LRRC4C: variants seen among roughly 807,000 people sequenced by gnomAD.
LRRC4C encodes leucine rich repeat containing 4C, also known as leucine-rich repeat-containing protein 4C.
LRRC4C carries 5 observed loss-of-function variants against 33.6 expected under a neutral mutation model. The observed-to-expected ratio is 0.15, with a 90% CI of 0.08 to 0.31. The LOEUF (loss-of-function observed/expected upper bound fraction) is 0.31. LRRC4C is among the 10% of genes least tolerant of loss of function. The pLI is 1.00. For missense variants in LRRC4C, 560 were observed against 796.7 expected (o/e 0.70, Z 3.58); for synonymous variants, 329 against 302.0 (o/e 1.09, Z -0.93).
chr11:40,640,004 C>T (rs1942011182), intron 3 of LRRC4C, among the ~76,000 whole-genome samples: 2 of 151,630 alleles, frequency 1.3e-5, no homozygotes, highest in Admixed American at 1.3e-4. Context: ...TGGAATATAT[C>T]AAGGAGATGC....
chr11:40,122,126 C>A (rs2927199), intron 6 of LRRC4C, among the ~76,000 whole-genome samples: 147,183 of 152,260 alleles, frequency 0.97, 71,191 homozygotes, highest in Admixed American at 0.98. Flanking sequence ...GATTTACTGA[C>A]TCTTTTGACT....
At chr11:41,096,634 C>G (rs371719734) in intron 1 of LRRC4C, among the ~76,000 whole-genome samples, 1 of 151,998 alleles carries the variant, frequency 6.6e-6, no homozygotes, top group East Asian at 1.9e-4. Flanking sequence ...GAAAGGGAAA[C>G]AGAAGATAAA....
intron 2 of LRRC4C, among the ~76,000 whole-genome samples, chr11:40,722,087 A>C (rs1380611744): frequency 6.6e-6 from 1 of 152,232 alleles, no homozygotes; most frequent in East Asian, 1.9e-4. Context: ...AAAAAATTAC[A>C]GACAAATGTA....
intron 3 of LRRC4C, among the ~76,000 whole-genome samples, chr11:40,556,000 T>A (rs1234234240): frequency 6.6e-6 from 1 of 152,162 alleles, no homozygotes; most frequent in East Asian, 1.9e-4. Flanking sequence ...TTTGACCCAA[T>A]AGAAAAAATG....
intron 5 of LRRC4C, among the ~76,000 whole-genome samples, chr11:40,188,144 A>G (rs1345638259): frequency 6.6e-6 from 1 of 152,232 alleles, no homozygotes; most frequent in Non-Finnish European, 1.5e-5. Context: ...CAAAATAATG[A>G]AGGTGAACTA....
At chr11:40,281,308 AATTC>A (rs1394614675) in intron 4 of LRRC4C, among the ~76,000 whole-genome samples, 1 of 152,080 alleles carries the variant, frequency 6.6e-6, no homozygotes, top group Admixed American at 6.6e-5. Flanking sequence ...AATGTGTTTG[AATTC>A]ATTCATCCAC....
intron 1 of LRRC4C, among the ~76,000 whole-genome samples, chr11:41,236,167 C>T (rs1022399946): frequency 1.3e-5 from 2 of 152,078 alleles, no homozygotes; most frequent in Non-Finnish European, 2.9e-5. Flanking sequence ...CCAATTAGCG[C>T]TTCACCTTCC....
chr11:40,365,556 C>T (rs183154639), intron 3 of LRRC4C, among the ~76,000 whole-genome samples: 184 of 152,078 alleles, frequency 1.2e-3, no homozygotes, highest in African/African-American at 4.3e-3. Context: ...CTGAAGGCAA[C>T]TTTGGGGGGG....
intron 1 of LRRC4C, among the ~76,000 whole-genome samples, chr11:41,165,479 T>C (rs931350): frequency 0.66 from 100,897 of 151,932 alleles, 35,161 homozygotes; most frequent in Middle Eastern, 0.78. Context: ...ACACACACCA[T>C]CTTATTTAAT....
chr11:40,495,811 ATG>A (rs1954406588), intron 3 of LRRC4C, among the ~76,000 whole-genome samples: 1 of 51,908 alleles, frequency 1.9e-5, no homozygotes, highest in Non-Finnish European at 4.1e-5. Context: ...CTCAATAAAC[ATG>A]TTTTTTTTTT....
At chr11:41,304,984 C>T (rs1244160823) in intron 1 of LRRC4C, among the ~76,000 whole-genome samples, 2 of 109,020 alleles carry the variant, frequency 1.8e-5, no homozygotes, top group African/African-American at 6.8e-5. Flanking sequence ...TCTGCCCGGC[C>T]GCCCCTACTG....
At chr11:40,812,814 C>T (rs914862888) in intron 2 of LRRC4C, among the ~76,000 whole-genome samples, 6 of 151,854 alleles carry the variant, frequency 4.0e-5, no homozygotes, top group Admixed American at 2.0e-4. Context: ...GCAAGAGAAA[C>T]CTTCGGTTAC....
intron 1 of LRRC4C, among the ~76,000 whole-genome samples, chr11:40,957,877 G>T (rs1278735477): frequency 6.6e-6 from 1 of 151,630 alleles, no homozygotes; most frequent in Non-Finnish European, 1.5e-5. Context: ...TAGCTTTGTG[G>T]CTGCTATGGT....
chr11:40,429,692 T>C (rs1249624155), intron 3 of LRRC4C, among the ~76,000 whole-genome samples: 10 of 152,196 alleles, frequency 6.6e-5, no homozygotes, highest in African/African-American at 1.9e-4. Context: ...AAGAATCTCT[T>C]TGAAATACAT....
At chr11:40,925,698 A>T (rs1418552728) in intron 2 of LRRC4C, among the ~76,000 whole-genome samples, 1 of 152,198 alleles carries the variant, frequency 6.6e-6, no homozygotes, top group Non-Finnish European at 1.5e-5. Flanking sequence ...GAATCCTGAA[A>T]TTATCACTAT....
At chr11:40,769,533 G>A (rs1418150378) in intron 2 of LRRC4C, among the ~76,000 whole-genome samples, 1 of 151,990 alleles carries the variant, frequency 6.6e-6, no homozygotes, top group Admixed American at 6.6e-5. Flanking sequence ...ATCATCCTAA[G>A]CAAAAGGAAC....
chr11:40,556,832 G>A (rs926128529), intron 3 of LRRC4C, among the ~76,000 whole-genome samples: 1 of 152,164 alleles, frequency 6.6e-6, no homozygotes, highest in African/African-American at 2.4e-5. Context: ...TGTGTGCAAG[G>A]CATGTTTCAG....
intron 3 of LRRC4C, among the ~76,000 whole-genome samples, chr11:40,365,767 A>AT (rs1449016813): frequency 5.3e-5 from 8 of 151,944 alleles, no homozygotes; most frequent in Non-Finnish European, 4.4e-5. Flanking sequence ...TGTCACTTTG[A>AT]TTTTTCTCAA....
intron 1 of LRRC4C, among the ~76,000 whole-genome samples, chr11:41,250,405 G>A (rs759620821): frequency 1.3e-5 from 2 of 152,188 alleles, no homozygotes; most frequent in Non-Finnish European, 2.9e-5. Context: ...AGAGAGAAGA[G>A]TTTCAAACCA....
Sources: allele counts gnomAD v4.1 joint callset (sites outside exome capture counted in the v4.1 genomes callset), GRCh38; gene constraint gnomAD v4.1.1; transcripts MANE v1.5; gene names NCBI Gene and HGNC (gene_info 2026-07-23, HGNC 2026-07-21).